ZBTB17: variants seen among roughly 807,000 people sequenced by gnomAD.
The protein encoded by ZBTB17 is zinc finger and BTB domain-containing protein 17.
In ZBTB17, 24 loss-of-function variants were observed where a neutral mutation model predicts 85.1. The ratio of observed to expected loss-of-function variants is 0.28; its 90% CI spans 0.20 to 0.40. The LOEUF is 0.40. Among genes scored for constraint, ZBTB17 ranks in the 10% least tolerant of loss-of-function variants. The pLI, the probability that ZBTB17 is intolerant of heterozygous loss-of-function variation, is 1.00. For synonymous variants in ZBTB17, 464 were observed against 460.2 expected (o/e 1.01, Z -0.11); for missense variants, 743 against 1,105.1 (o/e 0.67, Z 4.65).
At chr1:15,965,904 A>C (rs1164264197) in intron 2 of ZBTB17, among the ~76,000 whole-genome samples, 1 of 152,204 alleles carries the variant, frequency 6.6e-6, no homozygotes, top group Non-Finnish European at 1.5e-5. Context: ...CTCAGGGATG[A>C]CTTGGGCCGG....
At chr1:15,965,772 G>A (rs2072421118) in intron 2 of ZBTB17, among the ~76,000 whole-genome samples, 1 of 152,178 alleles carries the variant, frequency 6.6e-6, no homozygotes, top group South Asian at 2.1e-4. Flanking sequence ...TAATGTCAAG[G>A]CACTGAAGAA....
In ZBTB17 at chr1:15,945,844, G is replaced by T; in HGVS notation, c.536-4C>A. 6.3e-7 allele frequency: 1 copy of T among 1,591,374 alleles called. No homozygotes were observed. Among genetic ancestry groups the T allele is most frequent in the Non-Finnish European group, 8.5e-7 (1 of 1,172,776 alleles). The stretch of plus-strand genomic sequence containing the variant: ...GCTTTCTCTGTCTGCTCTGCACCTG[G>T]GTGGGGGAAGCACCGGAGGCTGGAT... On this transcript the variant is annotated splice_region_variant and splice_polypyrimidine_tract_variant and intron_variant, in intron 5 of 15. Coordinates refer to ENST00000375743, the MANE Select transcript of ZBTB17 (RefSeq NM_003443.3).
intron 2 of ZBTB17, chr1:15,970,280 A>C (rs1215789149): frequency 8.9e-6 from 3 of 335,438 alleles, no homozygotes; most frequent in Non-Finnish European, 1.6e-5. Context: ...AGCAGCCCTC[A>C]TGGGAAGATG....
At chr1:15,947,561 A>G (rs931252155) in intron 3 of ZBTB17, among the ~76,000 whole-genome samples, 1 of 150,464 alleles carries the variant, frequency 6.6e-6, no homozygotes, top group Admixed American at 6.6e-5. Flanking sequence ...GGGAGGACAG[A>G]GTGTGAATGC....
chr1:15,948,608 C>T (rs931742280), intron 2 of ZBTB17, 111 bp from the exon 3 acceptor site: 1 of 1,153,394 alleles, frequency 8.7e-7, no homozygotes, highest in Non-Finnish European at 1.2e-6. Flanking sequence ...AGAATTAAAA[C>T]AAGTGAGGGC....
At chr1:15,971,438 C>CACACACACTA (rs1557799575) in intron 2 of ZBTB17, among the ~76,000 whole-genome samples, 1 of 87,874 alleles carries the variant, frequency 1.1e-5, no homozygotes, top group African/African-American at 4.1e-5. Flanking sequence ...TACACACACA[C>CACACACACTA]TATATATATA....
intron 9 of ZBTB17, 93 bp downstream of exon 9, chr1:15,944,207 G>A (rs1335975165): frequency 2.0e-6 from 3 of 1,495,252 alleles, no homozygotes; most frequent in South Asian, 2.4e-5. Context: ...TGGAGGCCGG[G>A]GCTGTGCTCC....
intron 12 of ZBTB17, 94 bp from the exon 13 acceptor site, chr1:15,943,288 C>G: frequency 6.2e-7 from 1 of 1,600,112 alleles, no homozygotes; most frequent in Non-Finnish European, 8.5e-7. Flanking sequence ...AGGACCAGAG[C>G]CTGGGGCGTG....
In ZBTB17 at chr1:15,945,723, G is replaced by A. The variant is rs375080171; in HGVS notation, c.653C>T (p.Ser218Leu). The A allele has an allele frequency of 2.1e-5, 34 of 1,606,978 alleles. No individual in the cohort carries two copies. The highest frequency in any genetic ancestry group is 2.9e-5 in the Non-Finnish European group (34 of 1,179,830). Reference protein sequence around the residue: ...AEAEAALSESSEQEMEVEPAR... With the variant: ...AEAEAALSESLEQEMEVEPAR... Reference sequence around the variant, plus strand: ...TGGCTGGGCGGGGCTACCTTGCTCCGAGCTCTCGGACAAAGCGGCCTCAGC... The same window carrying A: ...TGGCTGGGCGGGGCTACCTTGCTCCAAGCTCTCGGACAAAGCGGCCTCAGC... The change falls in exon 6 of 16, where the codon TCG becomes TTG. Residue 218 changes from serine (S) to leucine (L), a missense_variant. Ser to Leu is a moderately radical substitution (Grantham distance 145, BLOSUM62 -2). This residue lies in a region of ZBTB17 where 279 missense variants were observed against 269.9 expected (regional missense o/e 1.03). Transcript: ENST00000375743.
intron 6 of ZBTB17, among the ~76,000 whole-genome samples, 192 bp from the exon 7 acceptor site, chr1:15,945,394 G>A (rs1039490238): frequency 6.6e-6 from 1 of 152,204 alleles, no homozygotes; most frequent in Non-Finnish European, 1.5e-5. Context: ...TGGGGTGGGC[G>A]CTGTCGGCCA....
chr1:15,943,964 C>T (rs2071471093), intron 9 of ZBTB17, 69 bp from the exon 10 acceptor site: 1 of 1,420,948 alleles, frequency 7.0e-7, no homozygotes, highest in South Asian at 1.2e-5. Flanking sequence ...ACCTGCCCCT[C>T]CCACAAAGGA....
In ZBTB17 at chr1:15,953,671, C is replaced by T. The variant is rs907423432; in HGVS notation, c.-2-5174G>A. The stretch of plus-strand genomic sequence containing the variant: ...CTCCACGACGCAGGGATTCCAGTGG[C>T]GGCTGAGCCCCATGGAAGCAGCAGA... On this transcript the variant is annotated intron_variant, in intron 2 of 15. Transcript: ENST00000375743. This position sits in a 1 kb window ranked among gnomAD's most constrained non-coding sequence, Gnocchi z 5.1. Among the ~76,000 whole-genome samples, 5 of 152,194 alleles carry T rather than the reference C, an allele frequency of 3.3e-5. No individual in the cohort carries two copies. Among genetic ancestry groups the T allele is most frequent in the East Asian group, 1.9e-4 (1 of 5,196 alleles).
intron 2 of ZBTB17, among the ~76,000 whole-genome samples, chr1:15,950,143 G>A (rs769009989): frequency 1.2e-4 from 18 of 152,222 alleles, no homozygotes; most frequent in African/African-American, 2.9e-4. Context: ...AGCTGGCCCC[G>A]CACCAAGTGC....
At chr1:15,947,881 C>T (rs546865327) in intron 3 of ZBTB17, among the ~76,000 whole-genome samples, 294 of 152,328 alleles carry the variant, frequency 1.9e-3, no homozygotes, top group Middle Eastern at 3.4e-3. Flanking sequence ...CCAAGGTCTT[C>T]CTGACACTGC....
chr1:15,975,829 C>T (rs1287919755), intron 1 of ZBTB17, among the ~76,000 whole-genome samples, 154 bp downstream of exon 1: 2 of 151,904 alleles, frequency 1.3e-5, no homozygotes, highest in African/African-American at 4.8e-5. Context: ...AATCTCCCGC[C>T]CAGCGGTGTC....
intron 2 of ZBTB17, among the ~76,000 whole-genome samples, chr1:15,958,764 A>G (rs1404379346): frequency 2.0e-5 from 3 of 152,232 alleles, no homozygotes; most frequent in Non-Finnish European, 4.4e-5. Flanking sequence ...GACGAAGGCA[A>G]GAAAGACCTT....
intron 4 of ZBTB17, among the ~76,000 whole-genome samples, chr1:15,946,665 T>C (rs1338738215): frequency 2.0e-5 from 3 of 152,000 alleles, no homozygotes; most frequent in African/African-American, 4.8e-5. Context: ...CTAAGGGAAG[T>C]GGAAGGAGGG....
chr1:15,951,288 A>G lies in ZBTB17; in HGVS notation c.-2-2791T>C, dbSNP rs1234047169. Among the ~76,000 whole-genome samples the G allele has an allele frequency of 7.0e-6, 1 of 142,358 alleles. No individual in the cohort carries two copies. The highest frequency in any genetic ancestry group is 1.5e-5 in the Non-Finnish European group (1 of 65,284). The allele number at this position is 142,358 out of a possible 152,430, so 93.4% of individuals were successfully genotyped here. A position where few individuals can be genotyped will look rare whatever the true frequency, so the allele number is the denominator to read the frequency against. On this transcript the variant is annotated intron_variant, in intron 2 of 15. Coordinates refer to ENST00000375743, the MANE Select transcript of ZBTB17 (RefSeq NM_003443.3). This position sits in a 1 kb window ranked among gnomAD's most constrained non-coding sequence, Gnocchi z 4.1. ...AAGTGAAGATGGGCAAAGTAAGGGA[A>G]GGAAAGGAGAGAGAAGAAGGAAGGA...
At chr1:15,946,044 A>C (rs1466656253) in intron 5 of ZBTB17, 110 bp downstream of exon 5, 2 of 1,571,370 alleles carry the variant, frequency 1.3e-6, no homozygotes, top group Non-Finnish European at 1.7e-6. Flanking sequence ...ACACAGGCTC[A>C]AGAGGTGCAG....
Sources: allele counts gnomAD v4.1 joint callset (sites outside exome capture counted in the v4.1 genomes callset), GRCh38; gene constraint gnomAD v4.1.1; regional missense constraint gnomAD v4.1.1; non-coding constraint Gnocchi (gnomAD v3.1); transcripts MANE v1.5; gene names NCBI Gene and HGNC (gene_info 2026-07-23, HGNC 2026-07-21).